CHIT1: variants seen among roughly 807,000 people sequenced by gnomAD.
CHIT1 encodes the protein chitinase 1.
A neutral mutation model predicts 52.0 loss-of-function variants in CHIT1; 47 were observed. The observed-to-expected ratio is 0.90, with a 90% confidence interval of 0.71 to 1.15. CHIT1 has a LOEUF of 1.15. Ranked by LOEUF, CHIT1 falls within the 50% of genes most tolerant of loss-of-function variation. CHIT1 has a pLI of 0.00. For missense variants in CHIT1, 569 were observed against 583.0 expected (o/e 0.98, Z 0.25); for synonymous variants, 242 against 228.2 (o/e 1.06, Z -0.54).
intron 3 of CHIT1, 26 bp downstream of exon 3, chr1:203,225,643 C>G (rs1656899637): frequency 6.2e-7 from 1 of 1,609,684 alleles, no homozygotes; most frequent in African/African-American, 1.3e-5. Flanking sequence ...ACATCCCACC[C>G]ACCCTGCTCC....
At chr1:203,217,235 C>G in intron 10 of CHIT1, 102 bp from the exon 11 acceptor site, 3 of 1,591,954 alleles carry the variant, frequency 1.9e-6, no homozygotes, top group Non-Finnish European at 2.5e-6. Context: ...CAGCCCAGCA[C>G]CACATGCCCT....
intron 10 of CHIT1, 164 bp from the exon 11 acceptor site, chr1:203,217,297 C>T (rs1360255902): frequency 6.5e-7 from 1 of 1,543,376 alleles, no homozygotes; most frequent in East Asian, 2.4e-5. Context: ...AGACAACAGC[C>T]ATACCTACAG....
At chr1:203,225,026 C>G in intron 4 of CHIT1, 22 bp downstream of exon 4, 3 of 1,609,540 alleles carry the variant, frequency 1.9e-6, no homozygotes, top group Non-Finnish European at 1.7e-6. Context: ...CTTTACCACA[C>G]AGGTGACCAC....
Position 203,219,276 on chromosome 1 carries a change from G to GGATTCT in CHIT1, c.968_969insAGAATC (p.Pro323_Tyr324insGluSer). The GGATTCT allele has an allele frequency of 6.2e-7, 1 of 1,603,680 alleles. No individual in the cohort carries two copies. The highest frequency in any genetic ancestry group is 8.5e-7 in the Non-Finnish European group (1 of 1,171,380). ...CCCACTGGTTGTCCCGGAAGATGTA[G>GGATTCT]GGCACCTTCTGATCCTGGATTCTCT... On this transcript the variant is annotated inframe_insertion, in exon 9 of 11. Transcript: ENST00000367229.
At position 203,223,129 on chromosome 1, in the gene CHIT1, A is replaced by G; in HGVS notation, c.605+6T>C. 1.2e-6 allele frequency: 2 copies of G among 1,613,896 alleles called. No individual in the cohort carries two copies. The highest frequency in any genetic ancestry group is 1.3e-5 in the African/African-American group (1 of 74,982). ...CACAGCTCCAAGCCATCTGCCTGAG[A>G]CTCACTGGGCGATTTTGTCCACCTC... On this transcript the variant is annotated splice_donor_region_variant and intron_variant, in intron 6 of 10. Transcript: ENST00000367229.
At position 203,217,740 on chromosome 1, in the gene CHIT1, C is replaced by T. The variant is rs200625369; in HGVS notation, c.1155G>A (p.Leu385=). Residue 385 remains leucine (L), a splice_region_variant and synonymous_variant, in exon 10 of 11, where the codon CTG becomes CTA. Transcript: ENST00000367229. ...YPLIQTLRQE[L]SLPYLPSGTP... Reference sequence around the variant, plus strand: ...ACTGGCCCTGGGCCCCTTACTTACTCAGTTCCTGCCGTAGCGTCTGGATGA... The same window carrying T: ...ACTGGCCCTGGGCCCCTTACTTACTTAGTTCCTGCCGTAGCGTCTGGATGA... The T allele has an allele frequency of 8.1e-6, 13 of 1,599,690 alleles. No homozygotes were observed. Among genetic ancestry groups the T allele is most frequent in the Non-Finnish European group, 1.1e-5 (13 of 1,179,428 alleles).
At chr1:203,219,913 G>T in intron 7 of CHIT1, 64 bp from the exon 8 acceptor site, 1 of 1,586,830 alleles carries the variant, frequency 6.3e-7, no homozygotes. Context: ...TCTAAGTCTG[G>T]GGGATCCAGA....
At chr1:203,221,859 C>A (rs2102236040) in intron 7 of CHIT1, among the ~76,000 whole-genome samples, 1 of 152,256 alleles carries the variant, frequency 6.6e-6, no homozygotes, top group East Asian at 1.9e-4. Context: ...AGTCTGCCCA[C>A]TGTCTTGAAG....
In CHIT1 at chr1:203,226,150, C is replaced by T. The variant is rs553682256; in HGVS notation, c.56-280G>A. Among the ~76,000 whole-genome samples, 570 of 152,344 alleles carry T rather than the reference C, an allele frequency of 3.7e-3. 3 individuals are homozygous for T. The highest frequency in any genetic ancestry group is 0.013 in the African/African-American group (548 of 41,576). On this transcript the variant is annotated intron_variant, in intron 2 of 10. Coordinates refer to ENST00000367229, the MANE Select transcript of CHIT1 (RefSeq NM_003465.3). The stretch of plus-strand genomic sequence containing the variant: ...TTCCCGGGAAGCAAGTTGAGGCTCA[C>T]GAGCTTGGGGCCCGTCCCCATCAGC...
At chr1:203,218,101 G>C in intron 9 of CHIT1, 1 of 1,488,902 alleles carries the variant, frequency 6.7e-7, no homozygotes, top group African/African-American at 1.4e-5. Flanking sequence ...CCTGGGGTGG[G>C]GTGGGTGCAG....
intron 2 of CHIT1, among the ~76,000 whole-genome samples, chr1:203,227,337 G>C (rs1442337067): frequency 6.6e-6 from 1 of 152,186 alleles, no homozygotes; most frequent in Non-Finnish European, 1.5e-5. Context: ...AAAGGAAGGA[G>C]GGGATGAAAC....
At chr1:203,220,560 A>G (rs1280108210) in intron 7 of CHIT1, among the ~76,000 whole-genome samples, 1 of 152,182 alleles carries the variant, frequency 6.6e-6, no homozygotes, top group African/African-American at 2.4e-5. Flanking sequence ...ACCCGGTACA[A>G]GTATGATAAA....
chr1:203,219,942 G>A lies in CHIT1; in HGVS notation c.730-93C>T, dbSNP rs1656673976. On this transcript the variant is annotated intron_variant, in intron 7 of 10. Transcript: ENST00000367229. ...ATCCAGAGGCAGAGCTAGGAGGGCA[G>A]GGGCTCCTCAGCTGGAGCTCTACGG... 3 of 1,450,296 alleles carry A rather than the reference G, an allele frequency of 2.1e-6. No homozygotes were observed. The Admixed American group carries it at 5.6e-5, about 27-fold the overall frequency. 89.8% of individuals were successfully genotyped at this position (1,450,296 alleles called of 1,614,324 possible).
intron 2 of CHIT1, among the ~76,000 whole-genome samples, chr1:203,226,304 C>A (rs1348850740): frequency 6.6e-6 from 1 of 152,146 alleles, no homozygotes; most frequent in Non-Finnish European, 1.5e-5. Context: ...TCTCCCTATC[C>A]CCAGTTAGGG....
intron 6 of CHIT1, 35 bp from the exon 7 acceptor site, chr1:203,222,360 G>A: frequency 1.2e-6 from 2 of 1,613,994 alleles, no homozygotes; most frequent in South Asian, 1.1e-5. Flanking sequence ...TGAGAAACAA[G>A]GGATTGGGGG....
Position 203,225,820 on chromosome 1 carries a change from G to C in CHIT1, c.106C>G (p.Gln36Glu). Reference sequence around the variant, plus strand: ...TTGGGCAGGAAGCGAGCCTCCCCCTGTCTGTACTGGGCCCAGTTGGTGAAG... The same window carrying C: ...TTGGGCAGGAAGCGAGCCTCCCCCTCTCTGTACTGGGCCCAGTTGGTGAAG... ...CYFTNWAQYRQGEARFLPKDL... is the reference protein window; with the variant it reads ...CYFTNWAQYREGEARFLPKDL... The change falls in exon 3 of 11, where the codon CAG becomes GAG. Residue 36 changes from glutamine (Q) to glutamate (E), a missense_variant. By Grantham distance (29) the Gln-to-Glu change is conservative. Coordinates refer to ENST00000367229, the MANE Select transcript of CHIT1 (RefSeq NM_003465.3). 6.2e-7 allele frequency: 1 copy of C among 1,614,194 alleles called. No individual in the cohort carries two copies. The highest frequency in any genetic ancestry group is 8.5e-7 in the Non-Finnish European group (1 of 1,180,042).
At chr1:203,219,989 C>T in intron 7 of CHIT1, 140 bp from the exon 8 acceptor site, 1 of 1,025,912 alleles carries the variant, frequency 9.7e-7, no homozygotes, top group Non-Finnish European at 1.5e-6. Flanking sequence ...GATTCCAGCC[C>T]TACCCCATCT....
At chr1:203,222,405 A>C in intron 6 of CHIT1, 80 bp from the exon 7 acceptor site, 7 of 1,602,208 alleles carry the variant, frequency 4.4e-6, no homozygotes, top group Non-Finnish European at 6.0e-6. Context: ...CTACCCCCTC[A>C]GTGCATGGCC....
At chr1:203,228,990 G>A (rs923029739) in intron 1 of CHIT1, among the ~76,000 whole-genome samples, 1 of 152,218 alleles carries the variant, frequency 6.6e-6, no homozygotes, top group African/African-American at 2.4e-5. Flanking sequence ...GGGAGGGCCT[G>A]TGCCTCTGCT....
Sources: gnomAD v4.1 joint callset for allele counts (sites outside exome capture counted in the v4.1 genomes callset) on GRCh38, gnomAD v4.1.1 for gene constraint, MANE v1.5 for transcripts, NCBI Gene and HGNC (gene_info 2026-07-23, HGNC 2026-07-21) for gene names.